Variants in EMID1 observed in about 807,000 individuals in gnomAD.
The protein encoded by EMID1 is EMI domain-containing protein 1.
In EMID1, 40 loss-of-function variants were observed where a neutral mutation model predicts 60.6. The ratio of observed to expected loss-of-function variants is 0.66; its 90% CI spans 0.51 to 0.86. The LOEUF (loss-of-function observed/expected upper bound fraction) is 0.86, where lower values mean the gene tolerates loss of function less well. EMID1 is among the 40% of genes least tolerant of loss of function. The pLI is 0.00. For missense variants in EMID1, 585 were observed against 597.1 expected, an observed-to-expected ratio of 0.98 and a Z score of 0.21; for synonymous variants, 242 against 231.0, an observed-to-expected ratio of 1.05 and a Z score of -0.43.
At chr22:29,229,735 C>T (rs568407330) in intron 5 of EMID1, among the ~76,000 whole-genome samples, 5 of 152,200 alleles carry the variant, frequency 3.3e-5, no homozygotes, top group African/African-American at 7.2e-5. Flanking sequence ...TTACAAGGCA[C>T]GGGGTTCCAG....
At chr22:29,237,567 G>A (rs1316106039) in intron 12 of EMID1, among the ~76,000 whole-genome samples, 4 of 143,764 alleles carry the variant, frequency 2.8e-5, no homozygotes, top group African/African-American at 8.2e-5. Flanking sequence ...GGGAGGCCGA[G>A]GTGGGCAGAT....
chr22:29,233,358 T>C, intron 8 of EMID1, 21 bp from the exon 9 acceptor site: 1 of 1,613,372 alleles, frequency 6.2e-7, no homozygotes, highest in South Asian at 1.1e-5. Flanking sequence ...CTCTACTCAC[T>C]CATCATCTTT....
chr22:29,232,430 G>A (rs754626449), intron 8 of EMID1, 28 bp downstream of exon 8: 2 of 1,527,370 alleles, frequency 1.3e-6, no homozygotes, highest in Non-Finnish European at 1.8e-6. Context: ...CCCAGCAGGT[G>A]GAGGTGGGGG....
At chr22:29,215,478 AG>A (rs774632089) in intron 2 of EMID1, 48 bp from the exon 3 acceptor site, 1 of 1,554,588 alleles carries the variant, frequency 6.4e-7, no homozygotes, top group Non-Finnish European at 8.9e-7. Flanking sequence ...GCAGTGGGAG[AG>A]GTCATGGAGG....
Position 29,208,003 on chromosome 22 carries a change from G to T in EMID1, c.101+1864G>T, listed in dbSNP as rs75499818. Among the ~76,000 whole-genome samples the T allele has an allele frequency of 5.8e-3, 881 of 152,300 alleles. 4 individuals carry two copies. Among genetic ancestry groups the T allele is most frequent in the Non-Finnish European group, 0.01 (703 of 68,018 alleles). On this transcript the variant is annotated intron_variant, in intron 1 of 14. Transcript: ENST00000334018. The stretch of plus-strand genomic sequence containing the variant: ...CTCAAGTGGGTCACTTCCTGGCCAT[G>T]GGTCTCAGTTTTGCTCTCAGTTTCC...
chr22:29,257,863 G>C (rs2041757225), intron 14 of EMID1, among the ~76,000 whole-genome samples: 1 of 152,206 alleles, frequency 6.6e-6, no homozygotes, highest in South Asian at 2.1e-4. Flanking sequence ...TGGGGCCAGT[G>C]CTCTGTGCCA....
At chr22:29,249,238 T>C (rs2041434386) in intron 13 of EMID1, among the ~76,000 whole-genome samples, 1 of 152,044 alleles carries the variant, frequency 6.6e-6, no homozygotes, top group South Asian at 2.1e-4. Context: ...GCTTTTCTTT[T>C]TTTTTTCCTT....
chr22:29,213,805 G>A (rs866970782), intron 1 of EMID1, among the ~76,000 whole-genome samples: 2 of 152,144 alleles, frequency 1.3e-5, no homozygotes, highest in Non-Finnish European at 2.9e-5. Context: ...AGGCCGGGGC[G>A]TTTACAGAGC....
intron 2 of EMID1, chr22:29,215,303 C>T: frequency 1.0e-6 from 1 of 975,838 alleles, no homozygotes; most frequent in South Asian, 4.7e-5. Context: ...CCAGCCCAGC[C>T]TGCAGGGTCT....
intron 13 of EMID1, among the ~76,000 whole-genome samples, chr22:29,246,430 C>T (rs972381259): frequency 2.6e-5 from 4 of 151,900 alleles, no homozygotes; most frequent in Admixed American, 6.6e-5. Flanking sequence ...GACAGTAGGT[C>T]GGGGGCTGTC....
At chr22:29,230,357 C>A (rs1010023891) in intron 5 of EMID1, among the ~76,000 whole-genome samples, 1 of 151,062 alleles carries the variant, frequency 6.6e-6, no homozygotes, top group Non-Finnish European at 1.5e-5. Context: ...AACAAAAAAA[C>A]AAACTAAGTG....
intron 12 of EMID1, among the ~76,000 whole-genome samples, chr22:29,243,222 C>T (rs938474851): frequency 6.6e-6 from 1 of 152,234 alleles, no homozygotes; most frequent in Admixed American, 6.5e-5. Context: ...TACCCAATGC[C>T]ATTCCCTTCT....
chr22:29,248,151 C>T (rs1348496535), intron 13 of EMID1, among the ~76,000 whole-genome samples: 3 of 150,760 alleles, frequency 2.0e-5, no homozygotes, highest in Non-Finnish European at 4.4e-5. Context: ...GATGGGGTTT[C>T]ACCATGTTGG....
chr22:29,221,126 G>C (rs1033819476), intron 3 of EMID1, among the ~76,000 whole-genome samples: 4 of 119,322 alleles, frequency 3.4e-5, no homozygotes, highest in African/African-American at 1.3e-4. Flanking sequence ...TGTGTGTGTA[G>C]GGCACGTGAG....
rs149786539 is a variant in EMID1, at chr22:29,224,499, G to T, written c.320-634G>T. ...TCCTCCGGTAGGGGTGGCAGCAGGG[G>T]TTGGCCCTGGAACTGGCTCCCCTTG... On this transcript the variant is annotated intron_variant, in intron 3 of 14. Coordinates refer to ENST00000334018, the MANE Select transcript of EMID1 (RefSeq NM_133455.4). Among the ~76,000 whole-genome samples, 190 of 152,324 alleles carry T rather than the reference G, an allele frequency of 1.2e-3. 2 individuals carry two copies. The highest frequency in any genetic ancestry group is 6.8e-3 in the Middle Eastern group (2 of 294).
Position 29,228,159 on chromosome 22 carries a change from A to AT in EMID1, c.465+1608_465+1609insT, listed in dbSNP as rs561685304. Reference sequence around the variant, plus strand: ...CAACAAGAACGAAACTCCATCTCAAAAAAAAAAAAAAAAAAAAATGAGCCG... The same window carrying AT: ...CAACAAGAACGAAACTCCATCTCAAATAAAAAAAAAAAAAAAAAATGAGCCG... On this transcript the variant is annotated intron_variant, in intron 5 of 14. Transcript: ENST00000334018. 4.5e-3 allele frequency among the ~76,000 whole-genome samples: 668 copies of AT among 148,784 alleles called. 5 individuals are homozygous for AT. Among genetic ancestry groups the AT allele is most frequent in the Non-Finnish European group, 7.4e-3 (495 of 66,746 alleles).
intron 12 of EMID1, 84 bp from the exon 13 acceptor site, chr22:29,243,361 C>T (rs1015026157): frequency 3.0e-5 from 42 of 1,384,636 alleles, no homozygotes; most frequent in Middle Eastern, 1.8e-4. Context: ...TCCCTTTCCC[C>T]GCTCTTTTTC....
chr22:29,212,041 A>G (rs1022972521), intron 1 of EMID1, among the ~76,000 whole-genome samples: 1 of 152,212 alleles, frequency 6.6e-6, no homozygotes, highest in East Asian at 1.9e-4. Context: ...GCTGGAGTGC[A>G]GTGGCACGAT....
intron 5 of EMID1, among the ~76,000 whole-genome samples, chr22:29,228,081 G>T (rs1454138721): frequency 6.6e-6 from 1 of 151,370 alleles, no homozygotes; most frequent in Non-Finnish European, 1.5e-5. Flanking sequence ...GCTTGAACCC[G>T]GGAGGCAGAG....
Sources: allele counts gnomAD v4.1 joint callset (sites outside exome capture counted in the v4.1 genomes callset), GRCh38; gene constraint gnomAD v4.1.1; transcripts MANE v1.5; gene names NCBI Gene and HGNC (gene_info 2026-07-23, HGNC 2026-07-21).